ZIC4: variants seen among roughly 807,000 people sequenced by gnomAD.
ZIC4 encodes the protein Zic family zinc finger 4.
A neutral mutation model predicts 28.8 loss-of-function variants in ZIC4; 15 were observed. That is an observed-to-expected ratio of 0.52 (90% CI 0.35 to 0.80). The LOEUF is 0.80. Ranked by LOEUF, ZIC4 falls within the 30% of genes least tolerant of loss-of-function variation. The pLI is 0.01. For missense variants in ZIC4, 512 were observed against 467.1 expected (o/e 1.10, Z -0.89); for synonymous variants, 220 against 198.1 (o/e 1.11, Z -0.93).
rs774181953 is a variant in ZIC4 at position 147,396,519 on chromosome 3, C to T, written c.71-50G>A. On this transcript the variant is annotated intron_variant, in intron 2 of 4. Coordinates refer to ENST00000383075, the MANE Select transcript of ZIC4 (RefSeq NM_032153.6). This position sits in a 1 kb window ranked among gnomAD's most constrained non-coding sequence, Gnocchi z 4.2. ...ATGAGAACGGGTGGCGTGGGCTGCG[C>T]GCTCTTCCCTGGGCCCCGGGGGGCA... is the stretch of plus-strand genomic sequence containing the variant. 1.3e-6 allele frequency: 2 copies of T among 1,487,394 alleles called. No individual in the cohort carries two copies. Among genetic ancestry groups the T allele is most frequent in the Non-Finnish European group, 1.8e-6 (2 of 1,127,614 alleles). The allele number at this position is 1,487,394 out of a possible 1,614,324, so 92.1% of individuals were successfully genotyped here.
chr3:147,402,133 A>G (rs1407024013), intron 2 of ZIC4, among the ~76,000 whole-genome samples: 1 of 152,208 alleles, frequency 6.6e-6, no homozygotes, highest in African/African-American at 2.4e-5. Flanking sequence ...CCTAAATCAT[A>G]TGCTTATTCT....
chr3:147,392,138 C>G (rs567293700), intron 3 of ZIC4: 1 of 985,666 alleles, frequency 1.0e-6, no homozygotes, highest in South Asian at 4.7e-5. Context: ...TGTCGGGCCT[C>G]TCGGTCCTAA....
intron 2 of ZIC4, among the ~76,000 whole-genome samples, chr3:147,400,043 G>A (rs1260594494): frequency 1.3e-5 from 2 of 152,170 alleles, no homozygotes; most frequent in East Asian, 3.9e-4. Context: ...AGGAGAAGAG[G>A]GGTTTTTAGT....
intron 2 of ZIC4, among the ~76,000 whole-genome samples, chr3:147,398,631 G>A (rs1230240764): frequency 6.6e-6 from 1 of 152,114 alleles, no homozygotes; most frequent in Admixed American, 6.5e-5. Context: ...TGTCGCTGCA[G>A]CCGAAAATGC....
rs1176248857 is a variant in ZIC4, at chr3:147,387,565, CT to C, written c.*1293del. The C allele has an allele frequency of 6.6e-6, 1 of 152,488 alleles. No individual in the cohort carries two copies. The highest frequency in any genetic ancestry group is 2.4e-5 in the African/African-American group (1 of 41,386). The allele number at this position is 152,488 out of a possible 1,614,324, so 9.4% of individuals were successfully genotyped here. A position where few individuals can be genotyped will look rare whatever the true frequency, so the allele number is the denominator to read the frequency against. On this transcript the variant is annotated 3_prime_UTR_variant, in exon 5 of 5. Coordinates refer to ENST00000383075, the MANE Select transcript of ZIC4 (RefSeq NM_032153.6). The stretch of plus-strand genomic sequence containing the variant: ...TTTTTTCACTGTGTTTATTTTTCCC[CT>C]ATTCACTGGGGTACTTGGATAAAAT...
At position 147,388,474 on chromosome 3, in the gene ZIC4, A is replaced by G. The variant is rs930201380; in HGVS notation, c.*385T>C. The stretch of plus-strand genomic sequence containing the variant: ...ACAAAGGGGGCTGAGCGGCGATTCA[A>G]GCGGCTCTTTTCTTCCTTCACATTA... On this transcript the variant is annotated 3_prime_UTR_variant, in exon 5 of 5. Coordinates refer to ENST00000383075, the MANE Select transcript of ZIC4 (RefSeq NM_032153.6). 3.2e-5 allele frequency: 8 copies of G among 249,166 alleles called. No individual in the cohort carries two copies. Among genetic ancestry groups the G allele is most frequent in the Non-Finnish European group, 5.3e-5 (7 of 132,124 alleles). 15.4% of individuals were successfully genotyped at this position (249,166 alleles called of 1,614,324 possible).
At chr3:147,390,834 G>C (rs1024719745) in intron 4 of ZIC4, 97 bp downstream of exon 4, 1 of 1,419,044 alleles carries the variant, frequency 7.0e-7, no homozygotes, top group Non-Finnish European at 9.4e-7. Flanking sequence ...CCCTAATACC[G>C]GAGGCGGCGG....
rs1559966893 is a variant in ZIC4 at position 147,405,411 on chromosome 3, C to T, written c.-16+952G>A. 1.3e-6 allele frequency: 2 copies of T among 1,537,106 alleles called. No homozygotes were observed. The highest frequency in any genetic ancestry group is 1.4e-5 in the African/African-American group (1 of 73,158). ...GGGAGTTTCCTGAAGACGGTGACGG[C>T]CGAAGTGCAACCCTCCAAAAGCCCC... is the stretch of plus-strand genomic sequence containing the variant. On this transcript the variant is annotated intron_variant, in intron 1 of 4. Transcript: ENST00000383075.
chr3:147,398,506 G>A (rs911367514), intron 2 of ZIC4, among the ~76,000 whole-genome samples: 1 of 151,968 alleles, frequency 6.6e-6, no homozygotes, highest in Non-Finnish European at 1.5e-5. Flanking sequence ...CAAAAGCCGA[G>A]GGTCGGGGGT....
chr3:147,391,995 T>C (rs1576456100), intron 3 of ZIC4: 1 of 985,430 alleles, frequency 1.0e-6, no homozygotes, highest in South Asian at 4.7e-5. Context: ...TCCCTCCAGA[T>C]ACGCTCGCCA....
chr3:147,405,575 C>G, intron 1 of ZIC4: 1 of 1,226,682 alleles, frequency 8.2e-7, no homozygotes, highest in Non-Finnish European at 1.2e-6. Flanking sequence ...GCCCCTGGGT[C>G]TAGGCTAGGG....
chr3:147,390,759 T>G (rs899304216), intron 4 of ZIC4, among the ~76,000 whole-genome samples, 172 bp downstream of exon 4: 2 of 152,200 alleles, frequency 1.3e-5, no homozygotes, highest in African/African-American at 4.8e-5. Flanking sequence ...CTCGCCCTCT[T>G]CATGCCTCAG....
chr3:147,390,194 G>A (rs1417660609), intron 4 of ZIC4, among the ~76,000 whole-genome samples: 1 of 151,628 alleles, frequency 6.6e-6, no homozygotes, highest in Non-Finnish European at 1.5e-5. Context: ...ACCCCCTGCT[G>A]AAAAGACGAT....
chr3:147,403,799 G>T, intron 1 of ZIC4: 1 of 684,550 alleles, frequency 1.5e-6, no homozygotes, highest in Non-Finnish European at 2.3e-6. Context: ...ATCCAAGTGG[G>T]ACTCTGTTAT....
In ZIC4 at chr3:147,390,973, G is replaced by A; in HGVS notation, c.962C>T (p.Ser321Phe). ...GGTACGCGCCGCCACCGCCGCCGAG[G>A]AGGCCACCTGGGACTTGTGGCCGCA... ...SDCGHKSQVA[S>F]SAAVAARTAD... is the part of the protein sequence containing the mutation. Residue 321 changes from serine to phenylalanine, a missense_variant, in exon 4 of 5, where the codon TCC (serine) becomes TTC (phenylalanine). By Grantham distance (155) the Ser-to-Phe change is radical (BLOSUM62 -2). Transcript: ENST00000383075. 2 of 1,612,426 alleles carry A rather than the reference G, an allele frequency of 1.2e-6. No homozygotes were observed. Among genetic ancestry groups the A allele is most frequent in the South Asian group, 1.1e-5 (1 of 91,002 alleles).
chr3:147,396,716 G>A lies in ZIC4; in HGVS notation c.71-247C>T. On this transcript the variant is annotated intron_variant, in intron 2 of 4. Transcript: ENST00000383075. This position sits in a 1 kb window ranked among gnomAD's most constrained non-coding sequence, Gnocchi z 4.2. ...CGCCATGAGCTAGAGAGGGATGGTAGCGGCAGAGTAGATGTAAGGGGTAAT... is the reference window on the plus strand; with the variant it reads ...CGCCATGAGCTAGAGAGGGATGGTAACGGCAGAGTAGATGTAAGGGGTAAT... 1 of 465,044 alleles carries A rather than the reference G, an allele frequency of 2.2e-6. No individual in the cohort carries two copies. The highest frequency in any genetic ancestry group is 3.7e-6 in the Non-Finnish European group (1 of 268,602). 28.8% of individuals were successfully genotyped at this position (465,044 alleles called of 1,614,324 possible). A position where few individuals can be genotyped will look rare whatever the true frequency, so the allele number is the denominator to read the frequency against.
intron 4 of ZIC4, among the ~76,000 whole-genome samples, chr3:147,390,185 C>A (rs1049874556): frequency 1.3e-5 from 2 of 151,902 alleles, no homozygotes; most frequent in East Asian, 3.9e-4. Flanking sequence ...CACCCACCCA[C>A]CCCCTGCTGA....
intron 1 of ZIC4, chr3:147,405,569 C>T: frequency 7.7e-7 from 1 of 1,300,830 alleles, no homozygotes; most frequent in South Asian, 1.3e-5. Flanking sequence ...TCCAATGCCC[C>T]TGGGTCTAGG....
chr3:147,387,713 A>C lies in ZIC4; in HGVS notation c.*1146T>G, dbSNP rs754753607. The stretch of plus-strand genomic sequence containing the variant: ...TAGTCCAGGCCTAAGGGTACCACAC[A>C]CCCTGCCTTAGAAAGAAACAAGTTT... On this transcript the variant is annotated 3_prime_UTR_variant, in exon 5 of 5. Coordinates refer to ENST00000383075, the MANE Select transcript of ZIC4 (RefSeq NM_032153.6). 3.3e-5 allele frequency: 5 copies of C among 152,326 alleles called. No individual in the cohort carries two copies. Among genetic ancestry groups the C allele is most frequent in the African/African-American group, 7.3e-5 (3 of 41,320 alleles). 9.4% of individuals were successfully genotyped at this position (152,326 alleles called of 1,614,324 possible).
Sources: gnomAD v4.1 joint callset for allele counts (sites outside exome capture counted in the v4.1 genomes callset) on GRCh38, gnomAD v4.1.1 for gene constraint, Gnocchi (gnomAD v3.1) non-coding constraint, MANE v1.5 for transcripts, NCBI Gene and HGNC (gene_info 2026-07-23, HGNC 2026-07-21) for gene names.